PIP4K2B: variants seen among roughly 807,000 people sequenced by gnomAD.
PIP4K2B encodes phosphatidylinositol-5-phosphate 4-kinase type 2 beta.
A neutral mutation model predicts 42.0 loss-of-function variants in PIP4K2B; 3 were observed. The ratio of observed to expected loss-of-function variants is 0.07; its 90% CI spans 0.03 to 0.18. The LOEUF (loss-of-function observed/expected upper bound fraction) is 0.18. Among genes scored for constraint, PIP4K2B ranks in the 10% least tolerant of loss-of-function variants. The pLI is 1.00. For synonymous variants in PIP4K2B, 204 were observed against 210.1 expected (o/e 0.97, Z 0.25); for missense variants, 332 against 562.3 (o/e 0.59, Z 4.14).
chr17:38,794,870 C>G (rs188406412), intron 1 of PIP4K2B, among the ~76,000 whole-genome samples: 1 of 151,146 alleles, frequency 6.6e-6, no homozygotes, highest in Non-Finnish European at 1.5e-5. Context: ...GAGGCCGAGG[C>G]GGGGGGATTG....
chr17:38,784,442 C>T lies in PIP4K2B; in HGVS notation c.258-103G>A, dbSNP rs1278772409. ...ATAGAGACAGAGTCTTGCTATGTTG[C>T]CCAGACTGGTCTTGAACTCCTGGCT... On this transcript the variant is annotated intron_variant, in intron 2 of 9. Transcript: ENST00000619039. The T allele has an allele frequency of 9.0e-6, 6 of 665,260 alleles. No homozygotes were observed. In the Admixed American group the frequency reaches 1.6e-4, roughly 18 times the overall value. The allele number at this position is 665,260 out of a possible 1,614,324, so 41.2% of individuals were successfully genotyped here. A position where few individuals can be genotyped will look rare whatever the true frequency, so the allele number is the denominator to read the frequency against.
chr17:38,779,594 A>C, intron 4 of PIP4K2B, 65 bp from the exon 5 acceptor site: 11 of 1,467,654 alleles, frequency 7.5e-6, no homozygotes, highest in East Asian at 2.3e-5. Flanking sequence ...GATGGGGCTC[A>C]CCCCAGACTA....
intron 1 of PIP4K2B, among the ~76,000 whole-genome samples, chr17:38,794,866 G>A (rs1413444159): frequency 6.6e-6 from 1 of 151,466 alleles, no homozygotes; most frequent in Non-Finnish European, 1.5e-5. Context: ...TTGGGAGGCC[G>A]AGGCGGGGGG....
chr17:38,792,900 A>G (rs1288910401), intron 1 of PIP4K2B: 1 of 151,752 alleles, frequency 6.6e-6, no homozygotes, highest in East Asian at 1.9e-4. Context: ...AAGAAACTTC[A>G]TTCAAAGGCC....
chr17:38,771,810 C>T (rs1384149665), intron 7 of PIP4K2B, among the ~76,000 whole-genome samples: 2 of 152,138 alleles, frequency 1.3e-5, no homozygotes, highest in African/African-American at 2.4e-5. Flanking sequence ...AGGAGGATCA[C>T]TTGAGGCCAG....
chr17:38,779,603 TA>T (rs1909583640), intron 4 of PIP4K2B, 74 bp from the exon 5 acceptor site: 9 of 1,393,140 alleles, frequency 6.5e-6, no homozygotes, highest in Non-Finnish European at 8.1e-6. Flanking sequence ...CACCCCAGAC[TA>T]AAATGCTCCC....
chr17:38,796,644 A>G (rs776442277), intron 1 of PIP4K2B, among the ~76,000 whole-genome samples: 1 of 152,202 alleles, frequency 6.6e-6, no homozygotes, highest in Non-Finnish European at 1.5e-5. Context: ...TCCTGTGACA[A>G]CACCAAGTTC....
chr17:38,795,350 C>T (rs189248406), intron 1 of PIP4K2B, among the ~76,000 whole-genome samples: 1 of 151,618 alleles, frequency 6.6e-6, no homozygotes, highest in East Asian at 2.0e-4. Flanking sequence ...CTCATGCCTG[C>T]AATCCCAGTC....
chr17:38,789,910 C>T (rs1255791177), intron 1 of PIP4K2B, among the ~76,000 whole-genome samples: 8 of 151,694 alleles, frequency 5.3e-5, no homozygotes, highest in Non-Finnish European at 1.2e-4. Context: ...CAGCAGGCAT[C>T]TATAATGAGA....
intron 2 of PIP4K2B, among the ~76,000 whole-genome samples, chr17:38,785,689 A>G (rs1314972718): frequency 6.6e-6 from 1 of 152,178 alleles, no homozygotes; most frequent in African/African-American, 2.4e-5. Flanking sequence ...AAACAACACC[A>G]ATAACAACAA....
Position 38,799,428 on chromosome 17 carries a change from CGGGGCGGCGGCGGCGGCGGCGAAAG to C in PIP4K2B, c.-29_-5del. 1 of 1,578,752 alleles carries C rather than the reference CGGGGCGGCGGCGGCGGCGGCGAAAG, an allele frequency of 6.3e-7. No individual in the cohort carries two copies. The highest frequency in any genetic ancestry group is 1.1e-5 in the South Asian group (1 of 89,054). On this transcript the variant is annotated 5_prime_UTR_variant, in exon 1 of 10. Transcript: ENST00000619039. This position sits in a 1 kb window ranked among gnomAD's most constrained non-coding sequence, Gnocchi z 4.4. ...TGCTGGTGCAGTTGGACGACATGCC[CGGGGCGGCGGCGGCGGCGGCGAAAG>C]AGGGGGGCGGCGGAGACAGCGCACA...
intron 1 of PIP4K2B, among the ~76,000 whole-genome samples, chr17:38,794,292 GA>G (rs1910501192): frequency 6.6e-6 from 1 of 151,910 alleles, no homozygotes; most frequent in Non-Finnish European, 1.5e-5. Flanking sequence ...TAGAAACAAA[GA>G]GTAGAATGGT....
intron 4 of PIP4K2B, among the ~76,000 whole-genome samples, chr17:38,780,163 C>G (rs778481356): frequency 9.2e-5 from 14 of 152,174 alleles, no homozygotes; most frequent in Non-Finnish European, 1.6e-4. Context: ...AAGAAACAAG[C>G]CTGCCGAGCT....
rs760507456 is a variant in PIP4K2B, at chr17:38,771,297, TGGAA to T, written c.808-29_808-26del. On this transcript the variant is annotated intron_variant, in intron 7 of 9. Transcript: ENST00000619039. The stretch of plus-strand genomic sequence containing the variant: ...ACTAGGAAGGGCAAGGATGGAAAGA[TGGAA>T]GGAAGAAGAGGTTACACAGGACATC... The T allele has an allele frequency of 3.1e-6, 5 of 1,613,312 alleles. No individual in the cohort carries two copies. In the African/African-American group the frequency reaches 4.0e-5, roughly 13 times the overall value.
At chr17:38,775,375 C>T (rs1013301848) in intron 7 of PIP4K2B, among the ~76,000 whole-genome samples, 3 of 152,174 alleles carry the variant, frequency 2.0e-5, no homozygotes, top group Admixed American at 2.0e-4. Context: ...ACCCAGCCTC[C>T]TGAATAGCTA....
chr17:38,771,739 G>A (rs1298619911), intron 7 of PIP4K2B, among the ~76,000 whole-genome samples: 1 of 152,064 alleles, frequency 6.6e-6, no homozygotes, highest in African/African-American at 2.4e-5. Context: ...ATCAAGAGAG[G>A]CCATGGTGGC....
intron 7 of PIP4K2B, among the ~76,000 whole-genome samples, chr17:38,775,813 G>A (rs1323915581): frequency 1.3e-5 from 2 of 151,740 alleles, no homozygotes; most frequent in Non-Finnish European, 1.5e-5. Flanking sequence ...AGCCGAGATC[G>A]CACCACTGCA....
chr17:38,781,230 T>C (rs1410161023), intron 3 of PIP4K2B, among the ~76,000 whole-genome samples: 2 of 152,070 alleles, frequency 1.3e-5, no homozygotes, highest in African/African-American at 2.4e-5. Context: ...TGCTTGTCTA[T>C]GCAAGGCTGG....
intron 1 of PIP4K2B, among the ~76,000 whole-genome samples, chr17:38,797,937 C>T (rs1479513398): frequency 6.6e-6 from 1 of 152,152 alleles, no homozygotes; most frequent in Admixed American, 6.5e-5. Flanking sequence ...CCCTCACTAA[C>T]ACCAGTGATG....
Sources: gnomAD v4.1 joint callset for allele counts (sites outside exome capture counted in the v4.1 genomes callset) on GRCh38, gnomAD v4.1.1 for gene constraint, Gnocchi (gnomAD v3.1) non-coding constraint, MANE v1.5 for transcripts, NCBI Gene and HGNC (gene_info 2026-07-23, HGNC 2026-07-21) for gene names.